LHX6: variants seen among roughly 807,000 people sequenced by gnomAD.
The protein encoded by LHX6 is LIM homeobox 6.
Under a neutral mutation model 47.1 loss-of-function variants are expected in LHX6, and 15 were observed. That is an observed-to-expected ratio of 0.32 (90% CI 0.21 to 0.49). The LOEUF is 0.49. LHX6 is among the 20% of genes least tolerant of loss of function. The pLI, the probability that LHX6 is intolerant of heterozygous loss-of-function variation, is 0.99. For missense variants in LHX6, 404 were observed against 539.6 expected, an observed-to-expected ratio of 0.75 and a Z score of 2.49; for synonymous variants, 242 against 233.5, an observed-to-expected ratio of 1.04 and a Z score of -0.33.
chr9:122,216,411 T>G (rs772785101), intron 5 of LHX6, among the ~76,000 whole-genome samples: 1 of 152,144 alleles, frequency 6.6e-6, no homozygotes, highest in Non-Finnish European at 1.5e-5. Flanking sequence ...CAGAAGAGAT[T>G]TAGGGATCAT....
At chr9:122,227,341 C>A (rs1831148683) in intron 2 of LHX6, 68 bp downstream of exon 2, 1 of 1,388,500 alleles carries the variant, frequency 7.2e-7, no homozygotes. Context: ...GGCCGGAAAA[C>A]CTGGCCAGGT....
intron 4 of LHX6, among the ~76,000 whole-genome samples, chr9:122,218,025 A>G (rs1381409088): frequency 6.6e-6 from 1 of 152,210 alleles, no homozygotes; most frequent in Non-Finnish European, 1.5e-5. Flanking sequence ...CCAAATGTTA[A>G]AAAGACAAAA....
intron 9 of LHX6, among the ~76,000 whole-genome samples, chr9:122,206,451 G>C (rs1830184240): frequency 6.6e-6 from 1 of 152,204 alleles, no homozygotes; most frequent in Admixed American, 6.5e-5. Flanking sequence ...AAAGTCCCTA[G>C]GAGCTGGCGG....
At chr9:122,227,198 G>C (rs1481089676) in intron 2 of LHX6, 168 bp from the exon 3 acceptor site, 4 of 768,466 alleles carry the variant, frequency 5.2e-6, no homozygotes, top group Non-Finnish European at 7.9e-6. Context: ...GAGAGGAAGG[G>C]ACGGCCCCAA....
chr9:122,205,042 GC>G (rs1318751230), intron 9 of LHX6, among the ~76,000 whole-genome samples: 2 of 152,364 alleles, frequency 1.3e-5, no homozygotes, highest in East Asian at 3.9e-4. Flanking sequence ...AACAGCAGCA[GC>G]AAAAGCCTTC....
chr9:122,204,909 C>G (rs1450342094), intron 9 of LHX6, 129 bp from the exon 10 acceptor site: 7 of 550,130 alleles, frequency 1.3e-5, no homozygotes, highest in Non-Finnish European at 2.1e-5. Flanking sequence ...AATCCTGGCT[C>G]TGTCAACTGA....
Position 122,214,097 on chromosome 9 carries a change from C to A in LHX6, c.784-28G>T. ...GCGGGGCGGGGAGGGCGGTGAGGCG[C>A]TCGCACGCAGAGACTCCGAGACCCC... On this transcript the variant is annotated intron_variant, in intron 6 of 9. Transcript: ENST00000394319. This position sits in a 1 kb window ranked among gnomAD's most constrained non-coding sequence, Gnocchi z 4.6. 1 of 1,582,376 alleles carries A rather than the reference C, an allele frequency of 6.3e-7. No homozygotes were observed. Among genetic ancestry groups the A allele is most frequent in the Non-Finnish European group, 8.6e-7 (1 of 1,167,924 alleles).
At chr9:122,220,377 G>T (rs1329418441) in intron 4 of LHX6, among the ~76,000 whole-genome samples, 1 of 152,172 alleles carries the variant, frequency 6.6e-6, no homozygotes, top group African/African-American at 2.4e-5. Context: ...ATGTAGGTTT[G>T]GTTGCATTGC....
chr9:122,225,856 C>T (rs879649293), intron 4 of LHX6, among the ~76,000 whole-genome samples: 24 of 152,190 alleles, frequency 1.6e-4, no homozygotes, highest in African/African-American at 5.1e-4. Context: ...TTGGGCTGGA[C>T]CAGACTCGAA....
chr9:122,206,295 C>T (rs1830177926), intron 9 of LHX6, among the ~76,000 whole-genome samples: 1 of 152,140 alleles, frequency 6.6e-6, no homozygotes, highest in Non-Finnish European at 1.5e-5. Flanking sequence ...GGGGCCAGCC[C>T]CATGGGGACA....
chr9:122,221,060 G>T, intron 4 of LHX6: 1 of 984,272 alleles, frequency 1.0e-6, no homozygotes, highest in Non-Finnish European at 1.2e-6. Context: ...AAGCTATTGA[G>T]CCGAGAGGCC....
chr9:122,226,688 C>T lies in LHX6; in HGVS notation c.339+160G>A. The T allele has an allele frequency of 1.7e-6, 2 of 1,211,804 alleles. No individual in the cohort carries two copies. The highest frequency in any genetic ancestry group is 2.2e-6 in the Non-Finnish European group (2 of 892,320). The allele number at this position is 1,211,804 out of a possible 1,614,324, so 75.1% of individuals were successfully genotyped here. ...CTCTTCTTATTTTTCAGACGGAACCCGGGGGCTCAGGCAGACCCTAAGTCT... is the reference window on the plus strand; with the variant it reads ...CTCTTCTTATTTTTCAGACGGAACCTGGGGGCTCAGGCAGACCCTAAGTCT... On this transcript the variant is annotated intron_variant, in intron 3 of 9. Transcript: ENST00000394319. The surrounding 1 kb of genome is among the most constrained non-coding windows in gnomAD (Gnocchi z 6.5).
rs373399550 is a variant in LHX6 at position 122,213,688 on chromosome 9, G to A, written c.972C>T (p.Ser324=). The A allele has an allele frequency of 1.1e-5, 17 of 1,612,676 alleles. No individual in the cohort carries two copies. Among genetic ancestry groups the A allele is most frequent in the Non-Finnish European group, 1.4e-5 (17 of 1,179,840 alleles). The change falls in exon 8 of 10, where the codon TCC becomes TCT. Residue 324 remains serine, a synonymous_variant. Transcript: ENST00000394319. This position sits in a 1 kb window ranked among gnomAD's most constrained non-coding sequence, Gnocchi z 5.5. Reference sequence around the variant, plus strand: ...TGTAGTGGATGTCGTCGGACAGGGCGGAGGGAAGGCGGGACGGGGGCGCCC... The same window carrying A: ...TGTAGTGGATGTCGTCGGACAGGGCAGAGGGAAGGCGGGACGGGGGCGCCC... ...PSGAPPSRLP[S]ALSDDIHYTP... is the part of the protein sequence containing the mutation.
Position 122,226,345 on chromosome 9 carries a change from C to A in LHX6, c.461+31G>T, listed in dbSNP as rs546156718. 3.8e-6 allele frequency: 6 copies of A among 1,596,414 alleles called. No homozygotes were observed. In the South Asian group the frequency reaches 6.7e-5, roughly 18 times the overall value. On this transcript the variant is annotated intron_variant, in intron 4 of 9. Transcript: ENST00000394319. The surrounding 1 kb of genome is among the most constrained non-coding windows in gnomAD (Gnocchi z 6.5). ...GAATGCGCCCGGGGCCTGCCCTCGGCGACACTGCTGGCTCGGCGGCCGCAG... is the reference window on the plus strand; with the variant it reads ...GAATGCGCCCGGGGCCTGCCCTCGGAGACACTGCTGGCTCGGCGGCCGCAG...
At position 122,203,539 on chromosome 9, in the gene LHX6, A is replaced by G. The variant is rs1830058602; in HGVS notation, c.*1221T>C. 6.6e-6 allele frequency: 1 copy of G among 152,642 alleles called. No homozygotes were observed. Among genetic ancestry groups the G allele is most frequent in the African/African-American group, 2.4e-5 (1 of 41,428 alleles). 9.5% of individuals were successfully genotyped at this position (152,642 alleles called of 1,614,324 possible). A position where few individuals can be genotyped will look rare whatever the true frequency, so the allele number is the denominator to read the frequency against. ...ACAAATGGGCATCCCCTGAAAACAT[A>G]AATCATGGTCGTGTGTAGCCTGAGC... On this transcript the variant is annotated 3_prime_UTR_variant, in exon 10 of 10. Transcript: ENST00000394319.
chr9:122,214,509 C>A lies in LHX6; in HGVS notation c.683-126G>T, dbSNP rs762314836. On this transcript the variant is annotated intron_variant, in intron 5 of 9. Coordinates refer to ENST00000394319, the MANE Select transcript of LHX6 (RefSeq NM_014368.5). This position sits in a 1 kb window ranked among gnomAD's most constrained non-coding sequence, Gnocchi z 4.6. ...GCGGGAGTTGGCTGGGAGCAGGGATCCCAGGGTCCTAGTCCCTGAGCTCAG... is the reference window on the plus strand; with the variant it reads ...GCGGGAGTTGGCTGGGAGCAGGGATACCAGGGTCCTAGTCCCTGAGCTCAG... 98 of 1,321,136 alleles carry A rather than the reference C, an allele frequency of 7.4e-5. 1 individual carries two copies. The highest frequency in any genetic ancestry group is 3.9e-6 in the Non-Finnish European group (4 of 1,015,468). 81.8% of individuals were successfully genotyped at this position (1,321,136 alleles called of 1,614,324 possible).
At position 122,226,727 on chromosome 9, in the gene LHX6, G is replaced by A. The variant is rs1298454951; in HGVS notation, c.339+121C>T. The A allele has an allele frequency of 5.5e-6, 7 of 1,282,260 alleles. No individual in the cohort carries two copies. In the East Asian group the frequency reaches 7.7e-5, roughly 14 times the overall value. 79.4% of individuals were successfully genotyped at this position (1,282,260 alleles called of 1,614,324 possible). A position where few individuals can be genotyped will look rare whatever the true frequency, so the allele number is the denominator to read the frequency against. On this transcript the variant is annotated intron_variant, in intron 3 of 9. Coordinates refer to ENST00000394319, the MANE Select transcript of LHX6 (RefSeq NM_014368.5). This position sits in a 1 kb window ranked among gnomAD's most constrained non-coding sequence, Gnocchi z 6.5. ...GACCCTAAGTCTTGCCCAAAGCTTC[G>A]CAGTCGGGCAGCAGTGGAGCCAGGA... is the stretch of plus-strand genomic sequence containing the variant.
intron 4 of LHX6, among the ~76,000 whole-genome samples, chr9:122,224,320 C>T (rs536954893): frequency 5.3e-5 from 8 of 152,236 alleles, no homozygotes; most frequent in Admixed American, 1.3e-4. Flanking sequence ...CCACCACACC[C>T]GGCCCATCTG....
intron 4 of LHX6, chr9:122,221,177 T>G (rs1830838799): frequency 1.0e-6 from 1 of 985,250 alleles, no homozygotes; most frequent in East Asian, 1.1e-4. Flanking sequence ...ACCTATTCTC[T>G]CTGCTCCTTC....
Sources: allele counts gnomAD v4.1 joint callset (sites outside exome capture counted in the v4.1 genomes callset), GRCh38; gene constraint gnomAD v4.1.1; non-coding constraint Gnocchi (gnomAD v3.1); transcripts MANE v1.5; gene names NCBI Gene and HGNC (gene_info 2026-07-23, HGNC 2026-07-21).